The following MACROD2 variants were observed in gnomAD, a reference collection of about 807,000 sequenced individuals.
MACROD2 encodes ADP-ribose glycohydrolase MACROD2.
MACROD2 carries 36 observed loss-of-function variants against 70.4 expected under a neutral mutation model. The observed-to-expected ratio is 0.51, with a 90% CI of 0.39 to 0.68. The LOEUF (loss-of-function observed/expected upper bound fraction) is 0.68, where lower values mean the gene tolerates loss of function less well. Ranked by LOEUF, MACROD2 falls within the 30% of genes least tolerant of loss-of-function variation. The pLI, the probability that MACROD2 is intolerant of heterozygous loss-of-function variation, is 0.00. For synonymous variants in MACROD2, 172 were observed against 178.8 expected, an observed-to-expected ratio of 0.96 and a Z score of 0.30; for missense variants, 496 against 538.4, an observed-to-expected ratio of 0.92 and a Z score of 0.78.
intron 5 of MACROD2, among the ~76,000 whole-genome samples, chr20:14,730,938 A>G (rs138564324): frequency 3.9e-5 from 6 of 151,964 alleles, no homozygotes; most frequent in Non-Finnish European, 7.4e-5. Context: ...AATAAACTCT[A>G]AAATAATAGA....
At chr20:15,451,378 A>C (rs536774494) in intron 7 of MACROD2, among the ~76,000 whole-genome samples, 2 of 147,360 alleles carry the variant, frequency 1.4e-5, no homozygotes, top group East Asian at 4.1e-4. Context: ...CTTTCCAAGG[A>C]TCTAAGACAC....
chr20:14,259,855 A>C (rs1344433311), intron 3 of MACROD2, among the ~76,000 whole-genome samples: 1 of 152,190 alleles, frequency 6.6e-6, no homozygotes, highest in African/African-American at 2.4e-5. Flanking sequence ...TGGGATATAG[A>C]GGGGAGGCGG....
At chr20:14,912,086 G>C (rs1348762356) in intron 5 of MACROD2, among the ~76,000 whole-genome samples, 1 of 152,094 alleles carries the variant, frequency 6.6e-6, no homozygotes, top group South Asian at 2.1e-4. Flanking sequence ...AGATAAATTA[G>C]GGGGTCACTT....
rs147237129 is a variant in MACROD2, at chr20:14,805,239, G to A, written c.418+120280G>A. ...TACTTCCTTAAGGAAAAGTTAAGACGTTTTGTACCTACTTTCAGGCAGTCC... is the reference window on the plus strand; with the variant it reads ...TACTTCCTTAAGGAAAAGTTAAGACATTTTGTACCTACTTTCAGGCAGTCC... On this transcript the variant is annotated intron_variant, in intron 5 of 17. Transcript: ENST00000684519. 3.3e-4 allele frequency among the ~76,000 whole-genome samples: 50 copies of A among 152,158 alleles called. No homozygotes were observed. The South Asian group carries it at 4.3e-3, about 13-fold the overall frequency.
chr20:15,822,297 T>G (rs2063947120), intron 8 of MACROD2, among the ~76,000 whole-genome samples: 1 of 152,166 alleles, frequency 6.6e-6, no homozygotes, highest in South Asian at 2.1e-4. Flanking sequence ...GTGTGTATGT[T>G]TTACAATACT....
At chr20:14,543,573 TTCCATACATTTA>T (rs2085458238) in intron 4 of MACROD2, among the ~76,000 whole-genome samples, 1 of 152,206 alleles carries the variant, frequency 6.6e-6, no homozygotes, top group African/African-American at 2.4e-5. Context: ...GGACTATTTC[TTCCATACATTTA>T]GAAACTTCTA....
At chr20:14,593,586 A>G (rs1981923648) in intron 4 of MACROD2, among the ~76,000 whole-genome samples, 1 of 152,220 alleles carries the variant, frequency 6.6e-6, no homozygotes, top group Admixed American at 6.5e-5. Flanking sequence ...GACAGACAAA[A>G]GAAAACAAAG....
At chr20:14,380,755 A>G (rs2122772440) in intron 3 of MACROD2, among the ~76,000 whole-genome samples, 1 of 152,118 alleles carries the variant, frequency 6.6e-6, no homozygotes, top group Non-Finnish European at 1.5e-5. Flanking sequence ...AATCTGTTTC[A>G]TTTGCTTATA....
At chr20:15,242,159 C>T (rs754967111) in intron 6 of MACROD2, among the ~76,000 whole-genome samples, 2 of 152,210 alleles carry the variant, frequency 1.3e-5, no homozygotes, top group Middle Eastern at 6.8e-3. Context: ...GGTATTCTTG[C>T]CATAGCCACA....
intron 8 of MACROD2, among the ~76,000 whole-genome samples, chr20:15,549,176 G>T (rs908790760): frequency 6.6e-6 from 1 of 152,210 alleles, no homozygotes; most frequent in African/African-American, 2.4e-5. Context: ...AACAATATAT[G>T]ACTGAGTTAC....
chr20:15,430,943 C>T (rs996530511), intron 6 of MACROD2, among the ~76,000 whole-genome samples: 4 of 151,898 alleles, frequency 2.6e-5, no homozygotes, highest in Admixed American at 2.0e-4. Context: ...TTTTAAGCAA[C>T]TGATGTGACA....
intron 4 of MACROD2, among the ~76,000 whole-genome samples, chr20:14,617,044 T>C (rs1488203169): frequency 3.3e-5 from 5 of 152,140 alleles, no homozygotes; most frequent in African/African-American, 1.2e-4. Context: ...CAAATATTTC[T>C]CAAGGAGGAT....
intron 3 of MACROD2, among the ~76,000 whole-genome samples, chr20:14,266,883 A>G (rs1182342489): frequency 1.3e-5 from 2 of 152,172 alleles, no homozygotes; most frequent in African/African-American, 4.8e-5. Flanking sequence ...GCCTGTTGGA[A>G]TTGAAATGGT....
At chr20:16,006,669 C>T (rs1325046443) in intron 15 of MACROD2, among the ~76,000 whole-genome samples, 2 of 151,918 alleles carry the variant, frequency 1.3e-5, no homozygotes, top group African/African-American at 4.8e-5. Context: ...AGAGAGGGGC[C>T]CAGGCTCTCC....
rs1452615773 is a variant in MACROD2, at chr20:14,049,205, G to A, written c.164-36416G>A. Among the ~76,000 whole-genome samples, 11 of 120,430 alleles carry A rather than the reference G, an allele frequency of 9.1e-5. No individual in the cohort carries two copies. The East Asian group carries it at 1.9e-3, about 21-fold the overall frequency. 79.0% of individuals were successfully genotyped at this position (120,430 alleles called of 152,430 possible). On this transcript the variant is annotated intron_variant, in intron 2 of 17. Coordinates refer to ENST00000684519, the MANE Select transcript of MACROD2 (RefSeq NM_001351661.2). ...AAAAAAAAAACAAAAAAACAAAAAAGCCTATAACAGCATTAGGTATTAAGA... is the reference window on the plus strand; with the variant it reads ...AAAAAAAAAACAAAAAAACAAAAAAACCTATAACAGCATTAGGTATTAAGA...
At chr20:14,043,479 G>T (rs969222483) in intron 2 of MACROD2, among the ~76,000 whole-genome samples, 4 of 152,202 alleles carry the variant, frequency 2.6e-5, no homozygotes, top group African/African-American at 9.6e-5. Flanking sequence ...CTATCTGGAA[G>T]CTCTCAGAAG....
At chr20:14,934,111 G>A (rs1382014947) in intron 5 of MACROD2, among the ~76,000 whole-genome samples, 1 of 152,130 alleles carries the variant, frequency 6.6e-6, no homozygotes. Flanking sequence ...CCATGCACTG[G>A]TGCCTCTTGC....
At chr20:14,689,258 T>C (rs960450448) in intron 5 of MACROD2, among the ~76,000 whole-genome samples, 23 of 152,246 alleles carry the variant, frequency 1.5e-4, no homozygotes, top group Admixed American at 4.6e-4. Context: ...TTTAAATTTG[T>C]AATTGCTTAC....
chr20:15,589,173 A>G (rs193178826), intron 8 of MACROD2, among the ~76,000 whole-genome samples: 35 of 152,276 alleles, frequency 2.3e-4, no homozygotes, highest in African/African-American at 8.4e-4. Context: ...TAATAAAACC[A>G]TCAGATCTCC....
Sources: allele counts gnomAD v4.1 joint callset (sites outside exome capture counted in the v4.1 genomes callset), GRCh38; gene constraint gnomAD v4.1.1; transcripts MANE v1.5; gene names NCBI Gene and HGNC (gene_info 2026-07-23, HGNC 2026-07-21).